FAT1: variants seen among roughly 807,000 people sequenced by gnomAD.
FAT1 encodes the protein protocadherin Fat 1.
FAT1 carries 171 observed loss-of-function variants against 329.8 expected under a neutral mutation model. The ratio of observed to expected loss-of-function variants is 0.52; its 90% CI spans 0.46 to 0.59. The LOEUF is 0.59. Among genes scored for constraint, FAT1 ranks in the 20% least tolerant of loss-of-function variants. The probability of loss-of-function intolerance (pLI) is 0.00; values close to 1 mark genes in which losing one functional copy is unlikely to be tolerated. For synonymous variants in FAT1, 2,233 were observed against 2,228.6 expected, an observed-to-expected ratio of 1.00 and a Z score of -0.06; for missense variants, 5,672 against 5,774.4, an observed-to-expected ratio of 0.98 and a Z score of 0.57.
chr4:186,662,086 G>A (rs1205782619), intron 3 of FAT1, among the ~76,000 whole-genome samples: 2 of 151,084 alleles, frequency 1.3e-5, no homozygotes, highest in Non-Finnish European at 2.9e-5. Context: ...TGAGGTTTGG[G>A]AAGAGGGTAG....
intron 2 of FAT1, among the ~76,000 whole-genome samples, chr4:186,697,374 G>A (rs754602718): frequency 1.3e-5 from 2 of 152,178 alleles, no homozygotes; most frequent in African/African-American, 4.8e-5. Flanking sequence ...ACCTCAGAAC[G>A]CACAGATGTG....
chr4:186,701,101 C>T (rs368733896), intron 2 of FAT1, among the ~76,000 whole-genome samples: 2 of 152,302 alleles, frequency 1.3e-5, no homozygotes, highest in East Asian at 1.9e-4. Context: ...CAGTCAGTAA[C>T]GCATCAACGT....
At position 186,617,089 on chromosome 4, in the gene FAT1, C is replaced by T. The variant is rs138496810; in HGVS notation, c.8991G>A (p.Thr2997=). 228 of 1,613,880 alleles carry T rather than the reference C, an allele frequency of 1.4e-4. No individual in the cohort carries two copies. The African/African-American group carries it at 2.0e-3, about 14-fold the overall frequency. The stretch of plus-strand genomic sequence containing the variant: ...TTGATGAGAAGGTGCCATCAGTTGC[C>T]GTGATAGTAAGAAGGTAATTGTCCC... ...EKRDNYLLTI[T]ATDGTFSSKA... Residue 2997 remains threonine, a synonymous_variant, in exon 11 of 27, where the codon ACG becomes ACA. Coordinates refer to ENST00000441802, the MANE Select transcript of FAT1 (RefSeq NM_005245.4).
chr4:186,662,471 A>G (rs1051944234), intron 3 of FAT1, among the ~76,000 whole-genome samples: 2 of 152,154 alleles, frequency 1.3e-5, no homozygotes, highest in Non-Finnish European at 2.9e-5. Flanking sequence ...GGAAAAAAAT[A>G]TTAGAAGCAA....
Position 186,621,047 on chromosome 4 carries a change from C to T in FAT1, c.5539G>A (p.Val1847Ile), listed in dbSNP as rs189523191. The T allele has an allele frequency of 1.7e-5, 27 of 1,612,680 alleles. No homozygotes were observed. The Middle Eastern group carries it at 5.0e-4, about 30-fold the overall frequency. Residue 1847 changes from valine (V) to isoleucine (I), a missense_variant, in exon 10 of 27, where the codon GTC becomes ATC. Val to Ile is a conservative substitution (Grantham distance 29). Coordinates refer to ENST00000441802, the MANE Select transcript of FAT1 (RefSeq NM_005245.4). ...GGGGTTCCCATGTCATGCACTTGGA[C>T]GGTAAAGTGAAAAATACTTGTTTCT... is the stretch of plus-strand genomic sequence containing the variant. ...YEETSIFHFTVQVHDMGTPRL... is the reference protein window; with the variant it reads ...YEETSIFHFTIQVHDMGTPRL...
At chr4:186,686,598 G>A (rs80166496) in intron 2 of FAT1, among the ~76,000 whole-genome samples, 3,736 of 152,142 alleles carry the variant, frequency 0.025, 181 homozygotes, top group African/African-American at 0.086. Context: ...TTTGCTTAGC[G>A]CTGTTTTTTT....
At chr4:186,593,965 G>A (rs1411595463) in intron 26 of FAT1, among the ~76,000 whole-genome samples, 1 of 152,082 alleles carries the variant, frequency 6.6e-6, no homozygotes, top group Non-Finnish European at 1.5e-5. Flanking sequence ...ATGGTAATGA[G>A]TAAAATAAAA....
At position 186,708,123 on chromosome 4, in the gene FAT1, A is replaced by G; in HGVS notation, c.1705T>C (p.Phe569Leu). 6.2e-7 allele frequency: 1 copy of G among 1,613,922 alleles called. No individual in the cohort carries two copies. Among genetic ancestry groups the G allele is most frequent in the Non-Finnish European group, 8.5e-7 (1 of 1,179,888 alleles). ...LNNLNDNTPLFEKINCEGTIP... is the reference protein window; with the variant it reads ...LNNLNDNTPLLEKINCEGTIP... The stretch of plus-strand genomic sequence containing the variant: ...GTCCCTTCACAATTTATTTTCTCAA[A>G]CAAAGGTGTGTTGTCATTCAAGTTA... Residue 569 changes from phenylalanine to leucine, a missense_variant, in exon 2 of 27, where the codon TTT becomes CTT. Physicochemically the swap from Phe to Leu is conservative, Grantham distance 22. Coordinates refer to ENST00000441802, the MANE Select transcript of FAT1 (RefSeq NM_005245.4).
chr4:186,600,828 A>G (rs1309175473), intron 21 of FAT1, among the ~76,000 whole-genome samples: 4 of 152,200 alleles, frequency 2.6e-5, no homozygotes, highest in Non-Finnish European at 5.9e-5. Flanking sequence ...CTCGTGCCTC[A>G]GCCTCCTGAG....
intron 2 of FAT1, among the ~76,000 whole-genome samples, chr4:186,670,395 C>G (rs757906306): frequency 3.9e-5 from 6 of 152,170 alleles, no homozygotes; most frequent in African/African-American, 4.8e-5. Context: ...CAACAACAGA[C>G]AGAAACTCTT....
chr4:186,697,995 C>T (rs1388303508), intron 2 of FAT1, among the ~76,000 whole-genome samples: 4 of 152,306 alleles, frequency 2.6e-5, no homozygotes, highest in Middle Eastern at 3.4e-3. Flanking sequence ...GTTTCTGTGA[C>T]GCCAAAACCA....
At chr4:186,605,043 A>AC (rs1739036300) in intron 17 of FAT1, among the ~76,000 whole-genome samples, 2 of 151,540 alleles carry the variant, frequency 1.3e-5, no homozygotes. Flanking sequence ...ACGTGGTGAA[A>AC]CCCCGTCTCT....
At chr4:186,593,087 C>T (rs1212855169) in intron 26 of FAT1, among the ~76,000 whole-genome samples, 1 of 152,200 alleles carries the variant, frequency 6.6e-6, no homozygotes, top group Non-Finnish European at 1.5e-5. Flanking sequence ...TAACATCTTA[C>T]AGGCAAGACT....
At chr4:186,625,548 T>C (rs986473415) in intron 9 of FAT1, among the ~76,000 whole-genome samples, 2 of 152,222 alleles carry the variant, frequency 1.3e-5, no homozygotes, top group Non-Finnish European at 2.9e-5. Context: ...GTACCAATTC[T>C]AATGCCTAGG....
At chr4:186,649,624 A>G (rs1055282818) in intron 3 of FAT1, among the ~76,000 whole-genome samples, 11 of 152,154 alleles carry the variant, frequency 7.2e-5, no homozygotes, top group Non-Finnish European at 1.6e-4. Context: ...ACAAGCCAGC[A>G]GGTTCCTGGA....
intron 1 of FAT1, among the ~76,000 whole-genome samples, chr4:186,716,404 A>C (rs1463359266): frequency 6.6e-6 from 1 of 152,088 alleles, no homozygotes; most frequent in African/African-American, 2.4e-5. Context: ...TTTTTAAAGT[A>C]TTTTTAAGAG....
intron 16 of FAT1, among the ~76,000 whole-genome samples, chr4:186,607,645 G>A (rs1739214771): frequency 2.0e-5 from 3 of 151,882 alleles, no homozygotes; most frequent in South Asian, 4.2e-4. Context: ...GTAGATGGGT[G>A]AGTGAATAGA....
intron 6 of FAT1, among the ~76,000 whole-genome samples, chr4:186,634,205 C>A (rs1440194858): frequency 6.6e-6 from 1 of 152,142 alleles, no homozygotes; most frequent in Non-Finnish European, 1.5e-5. Context: ...CTTTCTGATA[C>A]TTTGAGCAAA....
intron 3 of FAT1, among the ~76,000 whole-genome samples, chr4:186,643,327 G>A (rs1263596180): frequency 6.6e-6 from 1 of 152,136 alleles, no homozygotes; most frequent in Non-Finnish European, 1.5e-5. Flanking sequence ...TTACTTTTCT[G>A]CGGAGAACAC....
Sources: allele counts gnomAD v4.1 joint callset (sites outside exome capture counted in the v4.1 genomes callset), GRCh38; gene constraint gnomAD v4.1.1; transcripts MANE v1.5; gene names NCBI Gene and HGNC (gene_info 2026-07-23, HGNC 2026-07-21).